Variants in RELN observed in about 807,000 individuals in gnomAD.
The protein encoded by RELN is reelin.
Under a neutral mutation model 427.6 loss-of-function variants are expected in RELN, and 108 were observed. The observed-to-expected ratio is 0.25, with a 90% CI of 0.22 to 0.30. RELN has a LOEUF of 0.30. RELN is among the 10% of genes least tolerant of loss of function. The pLI, the probability that RELN is intolerant of heterozygous loss-of-function variation, is 1.00. For missense variants in RELN, 3,715 were observed against 4,302.8 expected (o/e 0.86, Z 3.82); for synonymous variants, 1,524 against 1,513.4 (o/e 1.01, Z -0.16).
chr7:103,779,561 T>G (rs1791834285), intron 3 of RELN, among the ~76,000 whole-genome samples: 1 of 152,148 alleles, frequency 6.6e-6, no homozygotes, highest in Admixed American at 6.5e-5. Flanking sequence ...TTTACAAATG[T>G]CACACCACTG....
intron 45 of RELN, among the ~76,000 whole-genome samples, chr7:103,535,839 G>A (rs362708): frequency 0.67 from 101,784 of 151,780 alleles, 34,478 homozygotes; most frequent in Middle Eastern, 0.74. Flanking sequence ...CATATAATTG[G>A]TAAGATATAT....
At chr7:103,854,566 G>C (rs1241870173) in intron 2 of RELN, among the ~76,000 whole-genome samples, 1 of 152,158 alleles carries the variant, frequency 6.6e-6, no homozygotes. Flanking sequence ...AAGGGATTAA[G>C]AGACTTAGTA....
chr7:103,556,891 G>A, intron 38 of RELN, 86 bp downstream of exon 38: 1 of 1,132,282 alleles, frequency 8.8e-7, no homozygotes, highest in South Asian at 1.2e-5. Context: ...CTGCTCAGTT[G>A]ACAAACACTT....
chr7:103,674,548 G>A (rs189937988), intron 11 of RELN, among the ~76,000 whole-genome samples: 4 of 152,258 alleles, frequency 2.6e-5, no homozygotes, highest in African/African-American at 7.2e-5. Context: ...GGATTCCCAT[G>A]AGGGCACAGT....
At chr7:103,717,442 C>T (rs892033511) in intron 8 of RELN, among the ~76,000 whole-genome samples, 4 of 150,140 alleles carry the variant, frequency 2.7e-5, no homozygotes, top group Non-Finnish European at 5.9e-5. Context: ...CTTTACTTAC[C>T]AAATTTTAGT....
intron 2 of RELN, among the ~76,000 whole-genome samples, chr7:103,834,298 A>C (rs1793347898): frequency 6.6e-6 from 1 of 152,208 alleles, no homozygotes; most frequent in Non-Finnish European, 1.5e-5. Context: ...AAGCAACAGC[A>C]GTCCTATTTG....
chr7:103,555,626 C>G (rs1035618031), intron 38 of RELN, among the ~76,000 whole-genome samples: 3 of 152,038 alleles, frequency 2.0e-5, no homozygotes, highest in African/African-American at 7.2e-5. Context: ...TGTGTGCCAC[C>G]ACGCCCAGCT....
chr7:103,750,109 A>G (rs1790959191), intron 5 of RELN, among the ~76,000 whole-genome samples: 1 of 152,108 alleles, frequency 6.6e-6, no homozygotes, highest in African/African-American at 2.4e-5. Context: ...CCTCCTGAGT[A>G]GCTGGGATTA....
chr7:103,733,835 A>C (rs1187086469), intron 6 of RELN, among the ~76,000 whole-genome samples: 2 of 151,664 alleles, frequency 1.3e-5, no homozygotes, highest in Non-Finnish European at 2.9e-5. Flanking sequence ...GATATACCTA[A>C]TGCTAGATGA....
chr7:103,654,772 A>G (rs1040924101), intron 12 of RELN, among the ~76,000 whole-genome samples: 3 of 152,002 alleles, frequency 2.0e-5, no homozygotes, highest in Non-Finnish European at 4.4e-5. Context: ...AGAGTATTTT[A>G]TTCTCTATTA....
chr7:103,835,770 T>G (rs1793384842), intron 2 of RELN, among the ~76,000 whole-genome samples: 1 of 152,184 alleles, frequency 6.6e-6, no homozygotes, highest in African/African-American at 2.4e-5. Flanking sequence ...ATACCATGCC[T>G]TCTATACCTT....
chr7:103,631,286 C>CTTTTTTTTTTTTTTTTTTTT lies in RELN; in HGVS notation c.2466-1130_2466-1111dup, dbSNP rs545808640. The stretch of plus-strand genomic sequence containing the variant: ...CAGAAATAAAACTTTAAAAACACTT[C>CTTTTTTTTTTTTTTTTTTTT]TTTTTTTTTTTTTTTTTTTTTTTTT... On this transcript the variant is annotated intron_variant, in intron 19 of 64. Transcript: ENST00000428762. Among the ~76,000 whole-genome samples, 6 of 77,812 alleles carry CTTTTTTTTTTTTTTTTTTTT rather than the reference C, an allele frequency of 7.7e-5. 2 individuals carry two copies. Among genetic ancestry groups the CTTTTTTTTTTTTTTTTTTTT allele is most frequent in the African/African-American group, 1.0e-4 (2 of 20,008 alleles). 51.0% of individuals were successfully genotyped at this position (77,812 alleles called of 152,430 possible). A position where few individuals can be genotyped will look rare whatever the true frequency, so the allele number is the denominator to read the frequency against.
intron 28 of RELN, among the ~76,000 whole-genome samples, chr7:103,587,468 A>G (rs1227003530): frequency 6.6e-6 from 1 of 152,156 alleles, no homozygotes; most frequent in African/African-American, 2.4e-5. Context: ...ATTGGTCTAA[A>G]AAGAATTTAT....
rs73715911 is a variant in RELN at position 103,933,067 on chromosome 7, A to C, written c.227-15882T>G. On this transcript the variant is annotated intron_variant, in intron 1 of 64. Transcript: ENST00000428762. ...TTTGTGGTGTTTTATAAATACTACC[A>C]GTCCCACCATGGTGCATTCTAAGCT... 1.1e-3 allele frequency among the ~76,000 whole-genome samples: 163 copies of C among 152,360 alleles called. 1 individual carries two copies. The highest frequency in any genetic ancestry group is 3.7e-3 in the African/African-American group (152 of 41,598).
intron 1 of RELN, among the ~76,000 whole-genome samples, chr7:103,924,446 T>C (rs1419576590): frequency 1.3e-5 from 2 of 152,120 alleles, no homozygotes; most frequent in East Asian, 1.9e-4. Flanking sequence ...AGCCCACCTC[T>C]GAAAGCAAGC....
intron 2 of RELN, among the ~76,000 whole-genome samples, chr7:103,855,416 A>C (rs1793921439): frequency 6.6e-6 from 1 of 152,242 alleles, no homozygotes; most frequent in Non-Finnish European, 1.5e-5. Context: ...TGTGTAAGAA[A>C]GTAAAATAGT....
Position 103,665,362 on chromosome 7 carries a change from G to A in RELN, c.1290-3835C>T, listed in dbSNP as rs200315175. ...GGTGTGTGTGTGTGTGTGTGTGTGTGTATATATATATATATATATAAAATC... is the reference window on the plus strand; with the variant it reads ...GGTGTGTGTGTGTGTGTGTGTGTGTATATATATATATATATATATAAAATC... On this transcript the variant is annotated intron_variant, in intron 11 of 64. Coordinates refer to ENST00000428762, the MANE Select transcript of RELN (RefSeq NM_005045.4). 7.7e-3 allele frequency among the ~76,000 whole-genome samples: 698 copies of A among 90,968 alleles called. 1 individual carries two copies. Among genetic ancestry groups the A allele is most frequent in the Middle Eastern group, 0.021 (3 of 140 alleles). 59.7% of individuals were successfully genotyped at this position (90,968 alleles called of 152,430 possible).
intron 25 of RELN, among the ~76,000 whole-genome samples, chr7:103,595,709 T>G (rs2117253229): frequency 6.6e-6 from 1 of 152,174 alleles, no homozygotes; most frequent in African/African-American, 2.4e-5. Context: ...ATTATTTTTT[T>G]GTTAAAATGA....
intron 3 of RELN, among the ~76,000 whole-genome samples, chr7:103,781,071 C>T (rs1349597036): frequency 6.6e-6 from 1 of 152,144 alleles, no homozygotes; most frequent in African/African-American, 2.4e-5. Context: ...AATGATCCCA[C>T]CCTATAGAAG....
Sources: gnomAD v4.1 joint callset for allele counts (sites outside exome capture counted in the v4.1 genomes callset) on GRCh38, gnomAD v4.1.1 for gene constraint, MANE v1.5 for transcripts, NCBI Gene and HGNC (gene_info 2026-07-23, HGNC 2026-07-21) for gene names.